Variants in NIPBL observed in about 807,000 individuals in gnomAD.
NIPBL encodes the protein NIPBL cohesin loading factor.
A neutral mutation model predicts 321.8 loss-of-function variants in NIPBL; 19 were observed. The observed-to-expected ratio is 0.06, with a 90% CI of 0.04 to 0.09. NIPBL has a LOEUF of 0.09. Among genes scored for constraint, NIPBL ranks in the 10% least tolerant of loss-of-function variants. The pLI is 1.00. For synonymous variants in NIPBL, 1,106 were observed against 1,114.1 expected, an observed-to-expected ratio of 0.99 and a Z score of 0.14; for missense variants, 2,210 against 3,327.0, an observed-to-expected ratio of 0.66 and a Z score of 8.26.
intron 1 of NIPBL, among the ~76,000 whole-genome samples, chr5:36,896,309 T>C (rs551486398): frequency 6.6e-6 from 1 of 152,360 alleles, no homozygotes; most frequent in Admixed American, 6.5e-5. Flanking sequence ...ACGCCAGTAC[T>C]ACACTGTCTT....
chr5:36,955,225 GA>G (rs1740808514), intron 2 of NIPBL, among the ~76,000 whole-genome samples: 1 of 152,152 alleles, frequency 6.6e-6, no homozygotes, highest in Non-Finnish European at 1.5e-5. Context: ...TTTAAGAAAT[GA>G]AAAGCAAGGA....
Position 36,986,140 on chromosome 5 carries a change from A to T in NIPBL, c.2960A>T (p.Glu987Val), listed in dbSNP as rs1206696001. ...EMKGEPKDKV[E>V]KIGLVEDLNK... ...AAAGGAGAGCCGAAAGACAAAGTAGAAAAAATAGGATTAGTTGAAGATCTA... is the reference window on the plus strand; with the variant it reads ...AAAGGAGAGCCGAAAGACAAAGTAGTAAAAATAGGATTAGTTGAAGATCTA... Residue 987 changes from glutamate (E) to valine (V), a missense_variant, in exon 10 of 47, where the codon GAA becomes GTA. This residue lies in a region of NIPBL where 588 missense variants were observed against 564.1 expected (regional missense o/e 1.04). Coordinates refer to ENST00000282516, the MANE Select transcript of NIPBL (RefSeq NM_133433.4). 3.1e-6 allele frequency: 5 copies of T among 1,613,992 alleles called. No homozygotes were observed. Among genetic ancestry groups the T allele is most frequent in the Non-Finnish European group, 4.2e-6 (5 of 1,179,926 alleles).
chr5:37,027,185 A>G (rs1391570403), intron 31 of NIPBL, among the ~76,000 whole-genome samples, 174 bp from the exon 32 acceptor site: 1 of 152,214 alleles, frequency 6.6e-6, no homozygotes. Flanking sequence ...ATTTTTTAGA[A>G]TAAAGTTCTG....
intron 1 of NIPBL, among the ~76,000 whole-genome samples, chr5:36,921,371 G>A (rs1280139207): frequency 6.6e-6 from 1 of 152,160 alleles, no homozygotes; most frequent in East Asian, 1.9e-4. Flanking sequence ...TGGTAGCATA[G>A]TCTGTTATAC....
At chr5:36,963,050 AT>A (rs1741809242) in intron 6 of NIPBL, among the ~76,000 whole-genome samples, 1 of 152,100 alleles carries the variant, frequency 6.6e-6, no homozygotes, top group African/African-American at 2.4e-5. Context: ...AGATGCAAAA[AT>A]TTGAGATTAA....
In NIPBL at chr5:36,985,191, C is replaced by T; in HGVS notation, c.2011C>T (p.Pro671Ser). Residue 671 changes from proline (P) to serine (S), a missense_variant, in exon 10 of 47, where the codon CCT (proline) becomes TCT (serine). By Grantham distance (74) the Pro-to-Ser change is moderately conservative. Around this residue, in one of 14 missense-constraint regions of NIPBL, gnomAD observed 588 missense variants for 564.1 expected, o/e 1.04. Coordinates refer to ENST00000282516, the MANE Select transcript of NIPBL (RefSeq NM_133433.4). ...ACAAAACGAGAGCACCATAGTTGAG[C>T]CTAAACAAAATGAAAATAGACTGTC... ...CKQNESTIVE[P>S]KQNENRLSDT... 3 of 1,613,718 alleles carry T rather than the reference C, an allele frequency of 1.9e-6. No homozygotes were observed. Among genetic ancestry groups the T allele is most frequent in the Non-Finnish European group, 2.5e-6 (3 of 1,179,896 alleles).
chr5:36,899,011 A>G (rs1404915272), intron 1 of NIPBL, among the ~76,000 whole-genome samples: 2 of 152,202 alleles, frequency 1.3e-5, no homozygotes, highest in African/African-American at 2.4e-5. Context: ...ATTTTACTTC[A>G]GAAAACTCTC....
In NIPBL at chr5:36,886,387, G is replaced by A. The variant is rs896645824; in HGVS notation, c.-80+9209G>A. 1.8e-4 allele frequency: 129 copies of A among 728,826 alleles called. 1 individual carries two copies. The highest frequency in any genetic ancestry group is 9.4e-4 in the Admixed American group (52 of 55,274). 45.1% of individuals were successfully genotyped at this position (728,826 alleles called of 1,614,324 possible). On this transcript the variant is annotated intron_variant, in intron 1 of 46. Coordinates refer to ENST00000282516, the MANE Select transcript of NIPBL (RefSeq NM_133433.4). ...TGGCAAGAACTTCAGTCTTGATGAT[G>A]CCCTGGACAGCAGCAACTCCATGCA...
intron 23 of NIPBL, among the ~76,000 whole-genome samples, chr5:37,016,788 A>G (rs1749049054): frequency 6.6e-6 from 1 of 152,154 alleles, no homozygotes; most frequent in African/African-American, 2.4e-5. Context: ...TGCATATTTA[A>G]TGAGTTGTGT....
chr5:36,957,811 T>C (rs1580329171), intron 3 of NIPBL, among the ~76,000 whole-genome samples: 3 of 151,966 alleles, frequency 2.0e-5, no homozygotes, highest in African/African-American at 7.3e-5. Flanking sequence ...GGTGAAACCC[T>C]GTCTCTACTA....
At chr5:36,918,001 A>G (rs1284299838) in intron 1 of NIPBL, among the ~76,000 whole-genome samples, 3 of 152,170 alleles carry the variant, frequency 2.0e-5, no homozygotes, top group African/African-American at 7.2e-5. Flanking sequence ...TGTCTTGGCA[A>G]TGTGGGCTCT....
intron 1 of NIPBL, among the ~76,000 whole-genome samples, chr5:36,941,082 T>A (rs907743267): frequency 1.4e-4 from 22 of 152,192 alleles, no homozygotes; most frequent in South Asian, 2.1e-4. Context: ...TTTACTTTTT[T>A]AAAAAAATTC....
intron 5 of NIPBL, 103 bp from the exon 6 acceptor site, chr5:36,962,020 T>A: frequency 7.9e-7 from 1 of 1,267,106 alleles, no homozygotes; most frequent in Non-Finnish European, 1.1e-6. Flanking sequence ...AGATTTTACA[T>A]ATATAAACTA....
chr5:37,003,115 T>C (rs1747012701), intron 15 of NIPBL, 146 bp from the exon 16 acceptor site: 1 of 558,936 alleles, frequency 1.8e-6, no homozygotes, highest in Admixed American at 3.3e-5. Flanking sequence ...TGAGTAGAAG[T>C]TCTAAGTGGG....
At chr5:36,952,917 A>T (rs1740558899) in intron 1 of NIPBL, among the ~76,000 whole-genome samples, 1 of 152,228 alleles carries the variant, frequency 6.6e-6, no homozygotes, top group African/African-American at 2.4e-5. Flanking sequence ...TGGGCAATAA[A>T]TGTCATAAGT....
intron 1 of NIPBL, among the ~76,000 whole-genome samples, chr5:36,882,010 G>T (rs984761864): frequency 6.6e-6 from 1 of 151,880 alleles, no homozygotes; most frequent in African/African-American, 2.4e-5. Flanking sequence ...CTATAAATTA[G>T]TATGACTGAT....
At chr5:36,969,250 A>C (rs1326285649) in intron 6 of NIPBL, among the ~76,000 whole-genome samples, 1 of 152,212 alleles carries the variant, frequency 6.6e-6, no homozygotes, top group Admixed American at 6.5e-5. Context: ...AATTCAGTAT[A>C]ACACTGATAA....
At chr5:36,942,995 TA>T (rs771795391) in intron 1 of NIPBL, among the ~76,000 whole-genome samples, 7 of 151,188 alleles carry the variant, frequency 4.6e-5, no homozygotes, top group African/African-American at 9.7e-5. Flanking sequence ...AATCTTTAGT[TA>T]AAAAAAAACC....
intron 10 of NIPBL, among the ~76,000 whole-genome samples, chr5:36,994,652 A>C (rs2149660963): frequency 6.6e-6 from 1 of 152,206 alleles, no homozygotes; most frequent in East Asian, 1.9e-4. Flanking sequence ...TTATACTTCC[A>C]CTCAAAGTAA....
Sources: gnomAD v4.1 joint callset for allele counts (sites outside exome capture counted in the v4.1 genomes callset) on GRCh38, gnomAD v4.1.1 for gene constraint, gnomAD v4.1.1 regional missense constraint, MANE v1.5 for transcripts, NCBI Gene and HGNC (gene_info 2026-07-23, HGNC 2026-07-21) for gene names.